CPQ: variants seen among roughly 807,000 people sequenced by gnomAD.
CPQ encodes the protein carboxypeptidase Q.
A neutral mutation model predicts 45.7 loss-of-function variants in CPQ; 37 were observed. The ratio of observed to expected loss-of-function variants is 0.81; its 90% CI spans 0.62 to 1.07. The LOEUF (loss-of-function observed/expected upper bound fraction) is 1.07, where lower values mean the gene tolerates loss of function less well. Among genes scored for constraint, CPQ ranks in the 50% least tolerant of loss-of-function variants. CPQ has a pLI of 0.00. For missense variants in CPQ, 537 were observed against 572.9 expected, an observed-to-expected ratio of 0.94 and a Z score of 0.64; for synonymous variants, 186 against 205.8, an observed-to-expected ratio of 0.90 and a Z score of 0.82.
intron 4 of CPQ, among the ~76,000 whole-genome samples, chr8:96,942,504 C>T (rs972627517): frequency 6.6e-6 from 1 of 151,956 alleles, no homozygotes; most frequent in South Asian, 2.1e-4. Context: ...AAAAACAGAC[C>T]CTTGGGGTAT....
At chr8:96,690,119 G>T (rs1809286982) in intron 1 of CPQ, among the ~76,000 whole-genome samples, 1 of 151,888 alleles carries the variant, frequency 6.6e-6, no homozygotes, top group Admixed American at 6.6e-5. Flanking sequence ...TTAATTTATA[G>T]AGGTATGTGC....
intron 4 of CPQ, among the ~76,000 whole-genome samples, chr8:96,941,910 A>G (rs1352259831): frequency 6.6e-6 from 1 of 152,208 alleles, no homozygotes; most frequent in Non-Finnish European, 1.5e-5. Context: ...ATAGCAATGC[A>G]AGAAAACTGA....
intron 7 of CPQ, among the ~76,000 whole-genome samples, chr8:97,124,419 A>G (rs75101022): frequency 1.3e-5 from 2 of 152,114 alleles, no homozygotes; most frequent in Non-Finnish European, 2.9e-5. Flanking sequence ...AATACTATCA[A>G]TCAACTTGAT....
chr8:97,057,811 A>T (rs895147802), intron 6 of CPQ, among the ~76,000 whole-genome samples: 2 of 151,914 alleles, frequency 1.3e-5, no homozygotes, highest in African/African-American at 2.4e-5. Flanking sequence ...GCAGGCATTT[A>T]AAAAAAATTG....
chr8:96,738,948 T>C (rs1810036863), intron 1 of CPQ, among the ~76,000 whole-genome samples: 1 of 151,816 alleles, frequency 6.6e-6, no homozygotes, highest in African/African-American at 2.4e-5. Context: ...TATAGCAGCA[T>C]GATTTATAGT....
chr8:97,029,314 C>T (rs1191595042), intron 5 of CPQ, 89 bp from the exon 6 acceptor site: 6 of 1,263,076 alleles, frequency 4.8e-6, no homozygotes, highest in Non-Finnish European at 6.6e-6. Context: ...TTCCTCCTTC[C>T]TCCACAAGGC....
At chr8:97,091,542 A>G (rs953326944) in intron 7 of CPQ, among the ~76,000 whole-genome samples, 2 of 152,180 alleles carry the variant, frequency 1.3e-5, no homozygotes, top group East Asian at 1.9e-4. Flanking sequence ...TTTGTAGCAT[A>G]AAATCAGTTT....
chr8:97,012,755 C>T (rs953049184), intron 5 of CPQ, among the ~76,000 whole-genome samples: 23 of 151,968 alleles, frequency 1.5e-4, no homozygotes, highest in Admixed American at 9.8e-4. Context: ...TCAAAATGAC[C>T]CCAAAAAGCA....
rs1812141766 is a variant in CPQ at position 96,876,116 on chromosome 8, A to G, written c.642-3682A>G. Among the ~76,000 whole-genome samples the G allele has an allele frequency of 1.3e-5, 2 of 151,910 alleles. 1 individual carries two copies. The highest frequency in any genetic ancestry group is 4.1e-4 in the South Asian group (2 of 4,828). ...CTCTTTGCTATTGTTTTGCTTTTGC[A>G]TCGTTCATTGCTGCTGCACAATTGA... On this transcript the variant is annotated intron_variant, in intron 3 of 7. Coordinates refer to ENST00000220763, the MANE Select transcript of CPQ (RefSeq NM_016134.4).
At chr8:96,753,850 CAGCTAAGAGGT>C (rs2130787250) in intron 1 of CPQ, among the ~76,000 whole-genome samples, 1 of 151,906 alleles carries the variant, frequency 6.6e-6, no homozygotes, top group Non-Finnish European at 1.5e-5. Context: ...TAATAATTTG[CAGCTAAGAGGT>C]AACTGGCCTA....
intron 2 of CPQ, among the ~76,000 whole-genome samples, chr8:96,791,409 C>G (rs1348513996): frequency 6.6e-6 from 1 of 152,042 alleles, no homozygotes; most frequent in Admixed American, 6.6e-5. Context: ...ATTCCCATTT[C>G]TTTCTCATTG....
chr8:96,891,472 G>T (rs1020908027), intron 4 of CPQ, among the ~76,000 whole-genome samples: 2 of 152,138 alleles, frequency 1.3e-5, no homozygotes, highest in African/African-American at 4.8e-5. Context: ...ATGTTGCTGA[G>T]CCCATGTGTA....
intron 7 of CPQ, among the ~76,000 whole-genome samples, chr8:97,116,291 G>A (rs1248707159): frequency 2.6e-5 from 4 of 152,198 alleles, no homozygotes; most frequent in Non-Finnish European, 5.9e-5. Context: ...GTGACAGTCA[G>A]GGAGAATGTC....
intron 5 of CPQ, among the ~76,000 whole-genome samples, chr8:96,971,265 C>T (rs1813673677): frequency 6.6e-6 from 1 of 152,162 alleles, no homozygotes; most frequent in African/African-American, 2.4e-5. Context: ...ATGATGATTC[C>T]TTAATTGGCA....
chr8:96,917,707 A>G (rs959909460), intron 4 of CPQ, among the ~76,000 whole-genome samples: 1 of 152,170 alleles, frequency 6.6e-6, no homozygotes, highest in African/African-American at 2.4e-5. Context: ...CTGTATACAC[A>G]TATCTATAAG....
intron 6 of CPQ, among the ~76,000 whole-genome samples, chr8:97,044,118 C>T (rs1412496845): frequency 6.6e-6 from 1 of 152,216 alleles, no homozygotes; most frequent in Non-Finnish European, 1.5e-5. Flanking sequence ...CTTTCAGGTA[C>T]ACCAATCAGA....
At chr8:96,713,390 G>T (rs558919791) in intron 1 of CPQ, among the ~76,000 whole-genome samples, 7 of 152,242 alleles carry the variant, frequency 4.6e-5, no homozygotes, top group South Asian at 2.1e-4. Context: ...CCATTCTTGT[G>T]CTGCTAATAA....
At chr8:96,752,860 A>G (rs556767409) in intron 1 of CPQ, among the ~76,000 whole-genome samples, 1 of 151,924 alleles carries the variant, frequency 6.6e-6, no homozygotes, top group African/African-American at 2.4e-5. Context: ...TTGACGATAT[A>G]TTTCTGACTG....
chr8:96,904,232 TCC>T (rs953836988), intron 4 of CPQ, among the ~76,000 whole-genome samples: 3 of 141,288 alleles, frequency 2.1e-5, no homozygotes, highest in African/African-American at 8.1e-5. Flanking sequence ...ACATTTCCTC[TCC>T]TCAGTTTAAC....
Sources: gnomAD v4.1 joint callset for allele counts (sites outside exome capture counted in the v4.1 genomes callset) on GRCh38, gnomAD v4.1.1 for gene constraint, MANE v1.5 for transcripts, NCBI Gene and HGNC (gene_info 2026-07-23, HGNC 2026-07-21) for gene names.